The following ZNF710 variants were observed in gnomAD, a reference collection of about 807,000 sequenced individuals.
ZNF710 encodes the protein zinc finger protein 710.
In ZNF710, 13 loss-of-function variants were observed where a neutral mutation model predicts 50.6. That is an observed-to-expected ratio of 0.26 (90% CI 0.17 to 0.41). ZNF710 has a LOEUF of 0.41. ZNF710 is among the 10% of genes least tolerant of loss of function. The pLI is 1.00. For missense variants in ZNF710, 721 were observed against 936.6 expected, an observed-to-expected ratio of 0.77 and a Z score of 3.01; for synonymous variants, 383 against 397.0, an observed-to-expected ratio of 0.96 and a Z score of 0.42.
chr15:90,065,379 C>T (rs372048325), intron 1 of ZNF710, among the ~76,000 whole-genome samples: 15 of 152,306 alleles, frequency 9.8e-5, no homozygotes, highest in African/African-American at 3.6e-4. Flanking sequence ...AATGCCATCC[C>T]CTCTCCTCAG....
intron 1 of ZNF710, among the ~76,000 whole-genome samples, chr15:90,012,135 G>T (rs1386944344): frequency 6.6e-6 from 1 of 151,844 alleles, no homozygotes; most frequent in Non-Finnish European, 1.5e-5. Flanking sequence ...AACCCGGGAG[G>T]TAGAGGTTGC....
chr15:90,010,406 C>T (rs530928400), intron 1 of ZNF710, among the ~76,000 whole-genome samples: 87 of 152,228 alleles, frequency 5.7e-4, no homozygotes, highest in African/African-American at 1.9e-3. Context: ...CTCCCACCTC[C>T]GCCTCCCAAG....
At chr15:90,012,013 T>C (rs973705291) in intron 1 of ZNF710, among the ~76,000 whole-genome samples, 1 of 152,186 alleles carries the variant, frequency 6.6e-6, no homozygotes, top group Non-Finnish European at 1.5e-5. Flanking sequence ...GCGACAATCC[T>C]GGCCAACATG....
intron 1 of ZNF710, among the ~76,000 whole-genome samples, chr15:90,028,033 A>T (rs1436090120): frequency 6.6e-6 from 1 of 152,210 alleles, no homozygotes; most frequent in Non-Finnish European, 1.5e-5. Flanking sequence ...TATTTGTTGA[A>T]GAAATTAATG....
At chr15:90,003,709 A>G (rs978228069) in intron 1 of ZNF710, among the ~76,000 whole-genome samples, 2 of 152,108 alleles carry the variant, frequency 1.3e-5, no homozygotes, top group African/African-American at 4.8e-5. Context: ...TGTTTTAAAG[A>G]GAATGTTATT....
intron 1 of ZNF710, among the ~76,000 whole-genome samples, chr15:90,026,239 A>AG (rs1230168962): frequency 8.1e-5 from 12 of 147,540 alleles, no homozygotes; most frequent in African/African-American, 3.1e-4. Flanking sequence ...GGGAGAAATG[A>AG]GAAAAAAAAC....
At chr15:90,065,746 G>A (rs1306219066) in intron 1 of ZNF710, among the ~76,000 whole-genome samples, 2 of 152,200 alleles carry the variant, frequency 1.3e-5, no homozygotes, top group African/African-American at 4.8e-5. Flanking sequence ...GCACTATTTA[G>A]AAGATCATGT....
rs1031714864 is a variant in ZNF710, at chr15:90,080,051, G to T, written c.*222G>T. On this transcript the variant is annotated 3_prime_UTR_variant, in exon 5 of 5. Transcript: ENST00000268154. ...AGCACAGGCCCAGGCATCCCAGCAA[G>T]GGAAGGAGAACACGCGAGGCCCAGA... The T allele has an allele frequency of 6.5e-6, 3 of 463,138 alleles. No individual in the cohort carries two copies. Among genetic ancestry groups the T allele is most frequent in the Non-Finnish European group, 1.1e-5 (3 of 267,202 alleles). The allele number at this position is 463,138 out of a possible 1,614,324, so 28.7% of individuals were successfully genotyped here.
intron 1 of ZNF710, among the ~76,000 whole-genome samples, chr15:90,044,468 G>A (rs941282533): frequency 6.6e-6 from 1 of 152,210 alleles, no homozygotes; most frequent in African/African-American, 2.4e-5. Flanking sequence ...AAGCTGGACC[G>A]ACAGCTGAGC....
chr15:90,065,546 G>C (rs563922843), intron 1 of ZNF710, among the ~76,000 whole-genome samples: 1 of 152,174 alleles, frequency 6.6e-6, no homozygotes, highest in East Asian at 1.9e-4. Context: ...GCCACGCCTC[G>C]GAGGCTGGTG....
chr15:90,016,453 A>AT (rs34519009), intron 1 of ZNF710, among the ~76,000 whole-genome samples: 3 of 151,874 alleles, frequency 2.0e-5, no homozygotes, highest in African/African-American at 7.3e-5. Context: ...TATTTATTTT[A>AT]TTTTTTTGAG....
chr15:90,002,983 C>T (rs1186576697), intron 1 of ZNF710, among the ~76,000 whole-genome samples: 2 of 152,220 alleles, frequency 1.3e-5, no homozygotes, highest in African/African-American at 4.8e-5. Context: ...AAGCGATTCT[C>T]CTGCCTCAAC....
At chr15:90,066,277 CAAT>C (rs1900166471) in intron 1 of ZNF710, among the ~76,000 whole-genome samples, 1 of 152,050 alleles carries the variant, frequency 6.6e-6, no homozygotes, top group South Asian at 2.1e-4. Flanking sequence ...GAGCCATTAC[CAAT>C]AATGACAGTT....
At chr15:90,074,612 C>G in intron 4 of ZNF710, 1 of 942,656 alleles carries the variant, frequency 1.1e-6, no homozygotes, top group South Asian at 1.6e-5. Context: ...TCATTGTCAT[C>G]GTTTTACAGA....
rs1217910536 is a variant in ZNF710 at position 90,034,751 on chromosome 15, C to T, written c.-28-32359C>T. On this transcript the variant is annotated intron_variant, in intron 1 of 4. Transcript: ENST00000268154. The surrounding 1 kb of genome is among the most constrained non-coding windows in gnomAD (Gnocchi z 4.0). ...CTTTGTTCTGGCCGTGGGTGGGGCA[C>T]CCGGCTCCACCTGCCTCAGGTTTTG... 2.0e-5 allele frequency among the ~76,000 whole-genome samples: 3 copies of T among 152,202 alleles called. No individual in the cohort carries two copies. The highest frequency in any genetic ancestry group is 6.5e-5 in the Admixed American group (1 of 15,278).
At chr15:89,999,265 T>C (rs1246579405), upstream of ZNF710, among the ~76,000 whole-genome samples, 1 of 152,266 alleles carries the variant, frequency 6.6e-6, no homozygotes, top group Non-Finnish European at 1.5e-5. Flanking sequence ...CTGTCTTCTT[T>C]TCTTGCTCCT....
intron 1 of ZNF710, among the ~76,000 whole-genome samples, chr15:90,038,256 C>G (rs2151492778): frequency 6.6e-6 from 1 of 152,290 alleles, no homozygotes; most frequent in South Asian, 2.1e-4. Context: ...AAAGGCTGGC[C>G]CCACAGACAC....
At chr15:90,016,920 C>T (rs1052023009) in intron 1 of ZNF710, among the ~76,000 whole-genome samples, 10 of 152,220 alleles carry the variant, frequency 6.6e-5, no homozygotes, top group South Asian at 4.1e-4. Context: ...TCAGACACTT[C>T]GAGGAGGATT....
chr15:90,013,123 A>G (rs1898359054), intron 1 of ZNF710, among the ~76,000 whole-genome samples: 1 of 151,912 alleles, frequency 6.6e-6, no homozygotes, highest in Non-Finnish European at 1.5e-5. Flanking sequence ...TTTGAGATGG[A>G]GTTTCATTCT....
Sources: allele counts gnomAD v4.1 joint callset (sites outside exome capture counted in the v4.1 genomes callset), GRCh38; gene constraint gnomAD v4.1.1; non-coding constraint Gnocchi (gnomAD v3.1); transcripts MANE v1.5; gene names NCBI Gene and HGNC (gene_info 2026-07-23, HGNC 2026-07-21).